The following SHISA9 variants were observed in gnomAD, a reference collection of about 807,000 sequenced individuals.
The protein encoded by SHISA9 is protein shisa-9.
In SHISA9, 13 loss-of-function variants were observed where a neutral mutation model predicts 38.0. The ratio of observed to expected loss-of-function variants is 0.34; its 90% CI spans 0.22 to 0.54. The LOEUF (loss-of-function observed/expected upper bound fraction) is 0.54, where lower values mean the gene tolerates loss of function less well. Among genes scored for constraint, SHISA9 ranks in the 20% least tolerant of loss-of-function variants. SHISA9 has a pLI of 0.91. For synonymous variants in SHISA9, 275 were observed against 242.0 expected, an observed-to-expected ratio of 1.14 and a Z score of -1.27; for missense variants, 538 against 575.8, an observed-to-expected ratio of 0.93 and a Z score of 0.67.
At chr16:13,398,394 C>T in the SHISA9 span, among the ~76,000 whole-genome samples, 4 of 152,034 alleles carry the variant, frequency 2.6e-5, no homozygotes, top group East Asian at 1.9e-4. Flanking sequence ...TCCTAACCCC[C>T]GATGTTGTTC....
At chr16:13,201,951 C>A (rs1242171394) in intron 2 of SHISA9, among the ~76,000 whole-genome samples, 1 of 110,186 alleles carries the variant, frequency 9.1e-6, no homozygotes. Flanking sequence ...TGGCAACCAC[C>A]GCAGTGCATA....
chr16:13,041,366 G>A (rs958316766), intron 2 of SHISA9, among the ~76,000 whole-genome samples: 9 of 152,168 alleles, frequency 5.9e-5, no homozygotes, highest in Non-Finnish European at 2.9e-5. Context: ...CCCTGGGCTT[G>A]GCCTATCCCT....
chr16:13,517,416 C>G, the SHISA9 span, among the ~76,000 whole-genome samples: 4 of 152,184 alleles, frequency 2.6e-5, no homozygotes, highest in Non-Finnish European at 5.9e-5. Context: ...GGTTAGGTCA[C>G]AAATGTGCAC....
chr16:13,143,025 A>ATTT (rs2050415712), intron 2 of SHISA9, among the ~76,000 whole-genome samples: 1 of 35,704 alleles, frequency 2.8e-5, no homozygotes, highest in African/African-American at 1.9e-4. Context: ...TTTTATTTTA[A>ATTT]GACAGAGTTT....
the SHISA9 span, among the ~76,000 whole-genome samples, chr16:13,248,503 C>T: frequency 6.6e-6 from 1 of 152,168 alleles, no homozygotes; most frequent in Non-Finnish European, 1.5e-5. Flanking sequence ...TTCTCTATAA[C>T]TTCTAGTTAT....
At chr16:12,950,684 C>G (rs1420737442) in intron 2 of SHISA9, among the ~76,000 whole-genome samples, 6 of 151,806 alleles carry the variant, frequency 4.0e-5, no homozygotes, top group African/African-American at 1.2e-4. Flanking sequence ...TCTCGGCTCA[C>G]TGCAACCTCC....
At chr16:13,040,756 C>G (rs1423417833) in intron 2 of SHISA9, among the ~76,000 whole-genome samples, 1 of 152,184 alleles carries the variant, frequency 6.6e-6, no homozygotes, top group Admixed American at 6.5e-5. Context: ...TTCTTCCTAT[C>G]CTGCTAAGGT....
chr16:13,469,497 C>T, the SHISA9 span, among the ~76,000 whole-genome samples: 1 of 152,176 alleles, frequency 6.6e-6, no homozygotes, highest in Non-Finnish European at 1.5e-5. Flanking sequence ...GTGGGCACAA[C>T]CTGGCCTTTG....
intron 2 of SHISA9, among the ~76,000 whole-genome samples, chr16:13,159,500 G>T (rs2050577477): frequency 2.0e-5 from 3 of 152,228 alleles, no homozygotes; most frequent in African/African-American, 7.2e-5. Flanking sequence ...AGGAGGTCAG[G>T]ATTGGGAGTA....
At chr16:13,057,568 T>G (rs1188108486) in intron 2 of SHISA9, among the ~76,000 whole-genome samples, 2 of 152,206 alleles carry the variant, frequency 1.3e-5, no homozygotes, top group African/African-American at 4.8e-5. Context: ...GGACTCAGCA[T>G]TTTAAATACA....
At chr16:13,432,970 G>C in the SHISA9 span, among the ~76,000 whole-genome samples, 4 of 152,100 alleles carry the variant, frequency 2.6e-5, no homozygotes, top group Non-Finnish European at 5.9e-5. Flanking sequence ...TGGGTACTAG[G>C]CTTAATGCTT....
the SHISA9 span, among the ~76,000 whole-genome samples, chr16:13,272,611 G>C: frequency 6.6e-6 from 1 of 152,018 alleles, no homozygotes; most frequent in Admixed American, 6.6e-5. Context: ...GTAGGTGAAG[G>C]ACTAAAAAGA....
At chr16:13,105,253 T>C (rs567665219) in intron 2 of SHISA9, among the ~76,000 whole-genome samples, 1 of 152,358 alleles carries the variant, frequency 6.6e-6, no homozygotes, top group Non-Finnish European at 1.5e-5. Flanking sequence ...TGGGTTTCTT[T>C]TATTTTGGAA....
At chr16:13,225,891 G>A (rs534068972) in intron 4 of SHISA9, among the ~76,000 whole-genome samples, 4 of 152,294 alleles carry the variant, frequency 2.6e-5, no homozygotes, top group Middle Eastern at 6.8e-3. Context: ...GTCATTAGAA[G>A]GAAAGCACCT....
intron 2 of SHISA9, among the ~76,000 whole-genome samples, chr16:12,964,894 C>T (rs2141798388): frequency 6.6e-6 from 1 of 152,226 alleles, no homozygotes; most frequent in African/African-American, 2.4e-5. Flanking sequence ...TATAATTCTG[C>T]ATAAAAGAGC....
At chr16:13,393,876 C>T in the SHISA9 span, among the ~76,000 whole-genome samples, 2 of 152,298 alleles carry the variant, frequency 1.3e-5, no homozygotes, top group South Asian at 4.1e-4. Context: ...GCATAGGTTT[C>T]TATTATTCCT....
intron 2 of SHISA9, among the ~76,000 whole-genome samples, chr16:12,938,574 T>G (rs192018906): frequency 3.3e-5 from 5 of 152,146 alleles, no homozygotes; most frequent in African/African-American, 1.2e-4. Context: ...CTTGGCTTCC[T>G]GCAACCTTTG....
Position 12,925,473 on chromosome 16 carries a change from G to A in SHISA9, c.691+8658G>A, listed in dbSNP as rs1433750. Among the ~76,000 whole-genome samples, 515 of 150,420 alleles carry A rather than the reference G, an allele frequency of 3.4e-3. 6 individuals carry two copies. Among genetic ancestry groups the A allele is most frequent in the African/African-American group, 9.1e-3 (373 of 40,958 alleles). On this transcript the variant is annotated intron_variant, in intron 2 of 4. Coordinates refer to ENST00000558583, the MANE Select transcript of SHISA9 (RefSeq NM_001145204.3). ...TGTGTGTGTGTGTGTGTGTGTGTGT[G>A]CAAGCAACAGAGAAAGACAACCCTT...
In SHISA9 at chr16:13,139,018, C is replaced by T. The variant is rs143242235; in HGVS notation, c.692-64376C>T. Among the ~76,000 whole-genome samples, 647 of 152,228 alleles carry T rather than the reference C, an allele frequency of 4.3e-3. 8 individuals are homozygous for T. Among genetic ancestry groups the T allele is most frequent in the African/African-American group, 0.015 (613 of 41,524 alleles). ...AGCTGATGCAACTCCTATCCTCAAA[C>T]GTGGGGTACTAAGTTGCGAATTAGA... On this transcript the variant is annotated intron_variant, in intron 2 of 4. Transcript: ENST00000558583.
Sources: allele counts gnomAD v4.1 joint callset (sites outside exome capture counted in the v4.1 genomes callset), GRCh38; gene constraint gnomAD v4.1.1; transcripts MANE v1.5; gene names NCBI Gene and HGNC (gene_info 2026-07-23, HGNC 2026-07-21).